TMEM178B: variants seen among roughly 807,000 people sequenced by gnomAD.
The protein encoded by TMEM178B is transmembrane protein 178B.
A neutral mutation model predicts 31.0 loss-of-function variants in TMEM178B; 5 were observed. The ratio of observed to expected loss-of-function variants is 0.16; its 90% CI spans 0.08 to 0.34. The LOEUF is 0.34. Ranked by LOEUF, TMEM178B falls within the 10% of genes least tolerant of loss-of-function variation. The pLI is 1.00. For missense variants in TMEM178B, 275 were observed against 400.3 expected (o/e 0.69, Z 2.67); for synonymous variants, 164 against 164.0 (o/e 1.00, Z 0.00).
intron 2 of TMEM178B, among the ~76,000 whole-genome samples, chr7:141,288,110 C>T (rs1167179455): frequency 2.0e-5 from 3 of 152,276 alleles, no homozygotes; most frequent in South Asian, 4.1e-4. Context: ...GGGACCCCTC[C>T]TCCCCACATT....
At chr7:141,255,067 T>C (rs1161457885) in intron 2 of TMEM178B, among the ~76,000 whole-genome samples, 1 of 152,214 alleles carries the variant, frequency 6.6e-6, no homozygotes, top group African/African-American at 2.4e-5. Context: ...GGAAGAAAAG[T>C]AACCATGAGG....
chr7:141,177,570 T>C (rs1452097662), intron 1 of TMEM178B, among the ~76,000 whole-genome samples: 1 of 152,172 alleles, frequency 6.6e-6, no homozygotes. Context: ...TATTATTGTG[T>C]GGGGGTCTAA....
At chr7:141,122,482 T>C (rs1417415182) in intron 1 of TMEM178B, among the ~76,000 whole-genome samples, 1 of 152,214 alleles carries the variant, frequency 6.6e-6, no homozygotes, top group Non-Finnish European at 1.5e-5. Flanking sequence ...GGACACAAGA[T>C]TGTGAAACAA....
At position 141,231,537 on chromosome 7, in the gene TMEM178B, G is replaced by C. The variant is rs572651769; in HGVS notation, c.496+18833G>C. 4.6e-5 allele frequency among the ~76,000 whole-genome samples: 7 copies of C among 152,284 alleles called. No individual in the cohort carries two copies. The South Asian group carries it at 1.2e-3, about 27-fold the overall frequency. On this transcript the variant is annotated intron_variant, in intron 2 of 3. Coordinates refer to ENST00000565468, the MANE Select transcript of TMEM178B (RefSeq NM_001195278.2). ...CCGCACCCAGTGCCAGCCATTTCCT[G>C]TTTTCTTTTTCTATTTGACATGGTA...
At position 141,074,548 on chromosome 7, in the gene TMEM178B, C is replaced by T; in HGVS notation, c.238C>T (p.Leu80Phe). ...SRLDRWEGKL[L>F]RARNRRQLFA... ...CCTGGACCGCTGGGAGGGCAAACTC[C>T]TCCGGGCCCGGAATCGCCGGCAGCT... The change falls in exon 1 of 4, where the codon CTC becomes TTC. Residue 80 changes from leucine (L) to phenylalanine (F), a missense_variant. Transcript: ENST00000565468. The surrounding 1 kb of genome is among the most constrained non-coding windows in gnomAD (Gnocchi z 5.1). 1 of 1,535,998 alleles carries T rather than the reference C, an allele frequency of 6.5e-7. No individual in the cohort carries two copies. Among genetic ancestry groups the T allele is most frequent in the Non-Finnish European group, 8.7e-7 (1 of 1,146,794 alleles).
chr7:141,144,857 A>G (rs1160612653), intron 1 of TMEM178B, among the ~76,000 whole-genome samples: 1 of 152,072 alleles, frequency 6.6e-6, no homozygotes, highest in Non-Finnish European at 1.5e-5. Flanking sequence ...CAGTTGGCCC[A>G]CAACACCGAC....
At chr7:141,335,312 C>T (rs987287914) in intron 2 of TMEM178B, among the ~76,000 whole-genome samples, 2 of 152,240 alleles carry the variant, frequency 1.3e-5, no homozygotes, top group African/African-American at 2.4e-5. Context: ...GGTCAACCCT[C>T]TTCTCCTGCC....
At chr7:141,134,659 C>A (rs11768167) in intron 1 of TMEM178B, among the ~76,000 whole-genome samples, 22,216 of 152,176 alleles carry the variant, frequency 0.15, 1,690 homozygotes, top group South Asian at 0.21. Flanking sequence ...ACAATAATGA[C>A]AGTCCTCACC....
intron 2 of TMEM178B, among the ~76,000 whole-genome samples, chr7:141,302,606 A>G (rs1798747725): frequency 6.6e-6 from 1 of 152,184 alleles, no homozygotes; most frequent in Non-Finnish European, 1.5e-5. Flanking sequence ...GAATGTACTC[A>G]ATGCTACTGA....
chr7:141,424,874 C>T (rs997618604), intron 2 of TMEM178B, among the ~76,000 whole-genome samples: 5 of 152,110 alleles, frequency 3.3e-5, no homozygotes, highest in African/African-American at 1.2e-4. Context: ...AATAATATTC[C>T]ATTACATTTG....
At chr7:141,249,307 G>A (rs924986902) in intron 2 of TMEM178B, among the ~76,000 whole-genome samples, 2 of 152,168 alleles carry the variant, frequency 1.3e-5, no homozygotes, top group African/African-American at 4.8e-5. Context: ...TCTCTTGCCT[G>A]CTGCCATGTA....
chr7:141,428,113 A>G (rs967742376), intron 2 of TMEM178B, among the ~76,000 whole-genome samples: 3 of 152,146 alleles, frequency 2.0e-5, no homozygotes, highest in Non-Finnish European at 4.4e-5. Context: ...TAAAATAATA[A>G]TTGGTCATAG....
intron 1 of TMEM178B, among the ~76,000 whole-genome samples, chr7:141,161,172 C>G (rs917559818): frequency 2.0e-5 from 3 of 152,076 alleles, no homozygotes; most frequent in Non-Finnish European, 2.9e-5. Flanking sequence ...CTTTTATGCT[C>G]AAAGCATGAA....
At chr7:141,258,278 C>A (rs2116354466) in intron 2 of TMEM178B, among the ~76,000 whole-genome samples, 1 of 151,660 alleles carries the variant, frequency 6.6e-6, no homozygotes, top group Middle Eastern at 3.4e-3. Context: ...CAGGGATGTC[C>A]AATCTTTTGA....
chr7:141,297,606 G>A (rs1236091874), intron 2 of TMEM178B, among the ~76,000 whole-genome samples: 1 of 152,148 alleles, frequency 6.6e-6, no homozygotes, highest in Non-Finnish European at 1.5e-5. Flanking sequence ...AACATGTGGT[G>A]TTTGTTTTTC....
intron 2 of TMEM178B, chr7:141,352,502 C>T (rs1799749467): frequency 1.1e-4 from 16 of 152,182 alleles, no homozygotes; most frequent in Admixed American, 1.0e-3. Flanking sequence ...CTCAGCCCTC[C>T]TGAGTAGCTG....
intron 1 of TMEM178B, among the ~76,000 whole-genome samples, chr7:141,142,363 T>C (rs1383085603): frequency 4.2e-4 from 60 of 144,506 alleles, no homozygotes; most frequent in Admixed American, 4.0e-3. Context: ...AACATATAAG[T>C]ACATGTGTAT....
At chr7:141,253,293 G>A (rs568677319) in intron 2 of TMEM178B, among the ~76,000 whole-genome samples, 10 of 152,102 alleles carry the variant, frequency 6.6e-5, no homozygotes, top group South Asian at 2.1e-4. Context: ...ACTCTTTCCC[G>A]TTAACTCCCT....
At chr7:141,103,482 TAA>T (rs1295300439) in intron 1 of TMEM178B, among the ~76,000 whole-genome samples, 2 of 152,228 alleles carry the variant, frequency 1.3e-5, no homozygotes, top group African/African-American at 4.8e-5. Context: ...TATTACACTA[TAA>T]TCTATTGATT....
Sources: gnomAD v4.1 joint callset for allele counts (sites outside exome capture counted in the v4.1 genomes callset) on GRCh38, gnomAD v4.1.1 for gene constraint, Gnocchi (gnomAD v3.1) non-coding constraint, MANE v1.5 for transcripts, NCBI Gene and HGNC (gene_info 2026-07-23, HGNC 2026-07-21) for gene names.